The following C1orf105 variants were observed in gnomAD, a reference collection of about 807,000 sequenced individuals.
C1orf105 encodes the protein uncharacterized protein C1orf105.
C1orf105 carries 17 observed loss-of-function variants against 20.8 expected under a neutral mutation model. The observed-to-expected ratio is 0.82, with a 90% CI of 0.56 to 1.23. The LOEUF (loss-of-function observed/expected upper bound fraction) is 1.23. Among genes scored for constraint, C1orf105 ranks in the 50% most tolerant of loss-of-function variants. C1orf105 has a pLI of 0.00. For missense variants in C1orf105, 219 were observed against 213.5 expected (o/e 1.03, Z -0.16); for synonymous variants, 72 against 72.1 (o/e 1.00, Z 0.01).
intron 1 of C1orf105, among the ~76,000 whole-genome samples, chr1:172,438,126 G>GA (rs59822239): frequency 0.091 from 13,494 of 148,582 alleles, 1,985 homozygotes; most frequent in African/African-American, 0.31. Flanking sequence ...CTACTGCTCA[G>GA]AAAAAAAAAA....
intron 1 of C1orf105, among the ~76,000 whole-genome samples, chr1:172,435,254 A>G (rs2072002216): frequency 6.6e-6 from 1 of 152,254 alleles, no homozygotes. Flanking sequence ...TTATGAGGTC[A>G]GCATCATCCT....
chr1:172,431,014 C>T, intron 1 of C1orf105: 2 of 596,038 alleles, frequency 3.4e-6, no homozygotes, highest in South Asian at 4.5e-5. Context: ...CTGACTGCTC[C>T]ACTGACCAGC....
chr1:172,431,122 C>G (rs2071862252), intron 1 of C1orf105: 7 of 606,628 alleles, frequency 1.2e-5, no homozygotes, highest in Non-Finnish European at 1.5e-5. Flanking sequence ...TGGCTTTTAA[C>G]TGTTCAAATG....
intron 2 of C1orf105, among the ~76,000 whole-genome samples, chr1:172,446,816 C>T (rs1268573044): frequency 6.6e-6 from 1 of 152,270 alleles, no homozygotes; most frequent in South Asian, 2.1e-4. Flanking sequence ...CTGTTGACAG[C>T]CAACTGGAAA....
chr1:172,441,758 T>G lies in C1orf105; in HGVS notation c.22-3315T>G, dbSNP rs777363797. 9 of 1,565,180 alleles carry G rather than the reference T, an allele frequency of 5.8e-6. No homozygotes were observed. The Admixed American group carries it at 1.6e-4, about 27-fold the overall frequency. On this transcript the variant is annotated intron_variant, in intron 1 of 6. Coordinates refer to ENST00000367727, the MANE Select transcript of C1orf105 (RefSeq NM_139240.4). ...CTGAGGAACCTGGACAAGTCTTCCT[T>G]GATTTCAGCTTCATCCCAAGGCCCA...
At chr1:172,427,202 C>T (rs2071745240) in intron 1 of C1orf105, among the ~76,000 whole-genome samples, 1 of 152,144 alleles carries the variant, frequency 6.6e-6, no homozygotes, top group Admixed American at 6.5e-5. Context: ...AAAAGAACTC[C>T]CAAAGACTCT....
At chr1:172,462,152 G>T (rs763461420) in intron 4 of C1orf105, 26 bp from the exon 5 acceptor site, 1 of 1,561,436 alleles carries the variant, frequency 6.4e-7, no homozygotes, top group Non-Finnish European at 8.8e-7. Flanking sequence ...TACAGGCAAC[G>T]TTCTAAATGA....
chr1:172,423,387 T>C (rs2071639781), intron 1 of C1orf105, among the ~76,000 whole-genome samples: 1 of 152,048 alleles, frequency 6.6e-6, no homozygotes, highest in Non-Finnish European at 1.5e-5. Flanking sequence ...ACCACCAAGG[T>C]GGTACCTCTA....
intron 2 of C1orf105, among the ~76,000 whole-genome samples, chr1:172,446,090 AT>A (rs1027850353): frequency 6.6e-6 from 1 of 152,210 alleles, no homozygotes; most frequent in African/African-American, 2.4e-5. Context: ...TTAAAAAAAA[AT>A]CTCATTCTCA....
intron 1 of C1orf105, chr1:172,431,043 C>T (rs1385665696): frequency 1.1e-5 from 7 of 637,236 alleles, no homozygotes; most frequent in Non-Finnish European, 1.7e-5. Context: ...GTCTTTCTTC[C>T]TCTTCTTGGG....
chr1:172,425,937 T>C (rs974361477), intron 1 of C1orf105, among the ~76,000 whole-genome samples: 1 of 151,142 alleles, frequency 6.6e-6, no homozygotes, highest in African/African-American at 2.4e-5. Flanking sequence ...CTGGAACTTA[T>C]GTCATTAACC....
intron 1 of C1orf105, among the ~76,000 whole-genome samples, chr1:172,433,179 T>G (rs1185519202): frequency 6.6e-6 from 1 of 152,152 alleles, no homozygotes; most frequent in Non-Finnish European, 1.5e-5. Context: ...TGGAACCAAG[T>G]TGGAAAACAC....
intron 1 of C1orf105, chr1:172,441,966 T>C (rs769667836): frequency 1.2e-6 from 2 of 1,614,062 alleles, no homozygotes; most frequent in African/African-American, 2.7e-5. Flanking sequence ...ATGCCTTTAG[T>C]TTCTTCTGCA....
Position 172,428,115 on chromosome 1 carries a change from A to T in C1orf105, c.21+7209A>T, listed in dbSNP as rs376483100. Among the ~76,000 whole-genome samples, 4 of 151,904 alleles carry T rather than the reference A, an allele frequency of 2.6e-5. No individual in the cohort carries two copies. The East Asian group carries it at 5.8e-4, about 22-fold the overall frequency. ...TTCAGGGGAAAAACCTTAATTTATAACTCTTCTCTTTCTTTCACACTCTAC... is the reference window on the plus strand; with the variant it reads ...TTCAGGGGAAAAACCTTAATTTATATCTCTTCTCTTTCTTTCACACTCTAC... On this transcript the variant is annotated intron_variant, in intron 1 of 6. Coordinates refer to ENST00000367727, the MANE Select transcript of C1orf105 (RefSeq NM_139240.4).
intron 5 of C1orf105, among the ~76,000 whole-genome samples, chr1:172,462,779 T>C (rs1649787472): frequency 6.6e-6 from 1 of 151,192 alleles, no homozygotes; most frequent in Non-Finnish European, 1.5e-5. Context: ...TTTGGTTTGG[T>C]TTTTTCTTTT....
intron 6 of C1orf105, 35 bp from the exon 7 acceptor site, chr1:172,468,414 C>T (rs1339329779): frequency 6.4e-7 from 1 of 1,571,176 alleles, no homozygotes; most frequent in Non-Finnish European, 8.7e-7. Context: ...TCTAAGTAGT[C>T]CTTATCCTTC....
chr1:172,445,707 C>A (rs9425618), intron 2 of C1orf105, among the ~76,000 whole-genome samples: 1 of 152,094 alleles, frequency 6.6e-6, no homozygotes, highest in African/African-American at 2.4e-5. Flanking sequence ...GTTACCGTGT[C>A]CCTTCTCCAT....
Position 172,420,834 on chromosome 1 carries a change from G to T in C1orf105, c.-52G>T. ...CCACTGGCCACAGTGAGGGGAGCTA[G>T]GTTTCCCCAGTCTCCAGCTAGAAAA... On this transcript the variant is annotated 5_prime_UTR_variant, in exon 1 of 7. It adds an upstream start codon to the 5' untranslated region. Coordinates refer to ENST00000367727, the MANE Select transcript of C1orf105 (RefSeq NM_139240.4). 6.3e-6 allele frequency: 10 copies of T among 1,593,692 alleles called. No homozygotes were observed. The highest frequency in any genetic ancestry group is 8.6e-6 in the Non-Finnish European group (10 of 1,162,324).
intron 1 of C1orf105, chr1:172,443,800 G>C (rs959946767): frequency 1.6e-5 from 4 of 242,514 alleles, no homozygotes; most frequent in African/African-American, 9.4e-5. Context: ...CCCGCAGAGT[G>C]GGGCTGGGAG....
Sources: gnomAD v4.1 joint callset for allele counts (sites outside exome capture counted in the v4.1 genomes callset) on GRCh38, gnomAD v4.1.1 for gene constraint, MANE v1.5 for transcripts, NCBI Gene and HGNC (gene_info 2026-07-23, HGNC 2026-07-21) for gene names.